The following MMP24 variants were observed in gnomAD, a reference collection of about 807,000 sequenced individuals.
The protein encoded by MMP24 is matrix metalloproteinase-24.
A neutral mutation model predicts 62.8 loss-of-function variants in MMP24; 25 were observed. The observed-to-expected ratio is 0.40, with a 90% confidence interval of 0.29 to 0.56. The LOEUF (loss-of-function observed/expected upper bound fraction) is 0.56, where lower values mean the gene tolerates loss of function less well. Among genes scored for constraint, MMP24 ranks in the 20% least tolerant of loss-of-function variants. The probability of loss-of-function intolerance (pLI) is 0.50; values close to 1 mark genes in which losing one functional copy is unlikely to be tolerated. For missense variants in MMP24, 634 were observed against 853.6 expected (o/e 0.74, Z 3.21); for synonymous variants, 319 against 350.5 (o/e 0.91, Z 1.00).
intron 2 of MMP24, among the ~76,000 whole-genome samples, chr20:35,247,970 T>C (rs6088776): frequency 0.12 from 17,796 of 152,080 alleles, 1,335 homozygotes; most frequent in Middle Eastern, 0.23. Flanking sequence ...TTGTCTAAGA[T>C]AGGAGAGAGT....
chr20:35,239,260 A>G (rs1439694940), intron 1 of MMP24, among the ~76,000 whole-genome samples: 1 of 151,766 alleles, frequency 6.6e-6, no homozygotes, highest in African/African-American at 2.4e-5. Context: ...GATGGTCTCG[A>G]TCTCTTGACC....
At chr20:35,238,146 G>A (rs1198802274) in intron 1 of MMP24, among the ~76,000 whole-genome samples, 5 of 152,192 alleles carry the variant, frequency 3.3e-5, no homozygotes, top group African/African-American at 4.8e-5. Flanking sequence ...CTGCAGAGCC[G>A]AGGCACAGAG....
intron 5 of MMP24, among the ~76,000 whole-genome samples, chr20:35,264,447 T>C (rs1052583574): frequency 6.6e-5 from 10 of 152,214 alleles, no homozygotes; most frequent in African/African-American, 2.4e-4. Flanking sequence ...ATCCCAGCAC[T>C]TTGGGAGGCT....
chr20:35,249,279 C>A (rs1241728120), intron 2 of MMP24, among the ~76,000 whole-genome samples: 1 of 152,158 alleles, frequency 6.6e-6, no homozygotes, highest in African/African-American at 2.4e-5. Context: ...GGTTCCCTTC[C>A]CAGGGACTGT....
intron 1 of MMP24, among the ~76,000 whole-genome samples, chr20:35,234,035 G>A: frequency 6.6e-6 from 1 of 152,146 alleles, no homozygotes; most frequent in Non-Finnish European, 1.5e-5. Flanking sequence ...CTGCATGACT[G>A]AGTCCTTCCC....
At chr20:35,256,176 A>T (rs1358656284) in intron 4 of MMP24, 1 of 152,248 alleles carries the variant, frequency 6.6e-6, no homozygotes, top group African/African-American at 2.4e-5. Context: ...AAATTTATGT[A>T]TTAAGCAATA....
In MMP24 at chr20:35,226,913, G is replaced by A; in HGVS notation, c.175G>A (p.Ala59Thr). Residue 59 changes from alanine (A) to threonine (T), a missense_variant, in exon 1 of 9, where the codon GCA (alanine) becomes ACA (threonine). Around this residue, in one of 3 missense-constraint regions of MMP24, gnomAD observed 212 missense variants for 259.6 expected, o/e 0.82. Transcript: ENST00000246186. ...AARAAAAAAG[A>T]GNRAAVAVAV... ...GCGGGCGGCGGCGGCGGCGGCGGGG[G>A]CAGGGAACCGGGCAGCGGTGGCGGT... 2.0e-6 allele frequency: 2 copies of A among 980,976 alleles called. No individual in the cohort carries two copies. Among genetic ancestry groups the A allele is most frequent in the Non-Finnish European group, 1.2e-6 (1 of 828,712 alleles). The allele number at this position is 980,976 out of a possible 1,614,324, so 60.8% of individuals were successfully genotyped here.
At chr20:35,263,982 C>A in intron 5 of MMP24, 30 bp downstream of exon 5, 1 of 1,567,902 alleles carries the variant, frequency 6.4e-7, no homozygotes, top group Non-Finnish European at 8.7e-7. Flanking sequence ...GGGACTGCTC[C>A]TTCCTCGGGG....
chr20:35,267,150 C>A, intron 5 of MMP24, 55 bp from the exon 6 acceptor site: 2 of 1,414,152 alleles, frequency 1.4e-6, no homozygotes, highest in Non-Finnish European at 1.9e-6. Context: ...CTGAGACTGG[C>A]AATGGGAGGC....
At chr20:35,268,768 T>C (rs1600804752) in intron 6 of MMP24, among the ~76,000 whole-genome samples, 3 of 148,394 alleles carry the variant, frequency 2.0e-5, no homozygotes, top group East Asian at 4.1e-4. Context: ...GGCTCACGCC[T>C]TGCAATCCCA....
Position 35,254,772 on chromosome 20 carries a change from C to T in MMP24, c.817+18C>T. The T allele has an allele frequency of 1.3e-6, 2 of 1,598,316 alleles. No homozygotes were observed. The highest frequency in any genetic ancestry group is 1.7e-6 in the Non-Finnish European group (2 of 1,171,276). ...CCATGACGGTAAGGCCATGAGGGGACAGGGGTCAGTCTTGGGCTGCTCAGT... is the reference window on the plus strand; with the variant it reads ...CCATGACGGTAAGGCCATGAGGGGATAGGGGTCAGTCTTGGGCTGCTCAGT... On this transcript the variant is annotated intron_variant, in intron 4 of 8. Coordinates refer to ENST00000246186, the MANE Select transcript of MMP24 (RefSeq NM_006690.4).
intron 3 of MMP24, among the ~76,000 whole-genome samples, chr20:35,253,895 G>A (rs1427466384): frequency 2.3e-5 from 3 of 130,120 alleles, no homozygotes; most frequent in African/African-American, 1.0e-4. Context: ...TTGAGACAGA[G>A]TCTCACTCTT....
At chr20:35,254,300 C>T in intron 3 of MMP24, 150 bp from the exon 4 acceptor site, 1 of 779,056 alleles carries the variant, frequency 1.3e-6, no homozygotes, top group South Asian at 1.7e-5. Context: ...AGCTCTGTTA[C>T]TCAGCCTCTT....
intron 5 of MMP24, among the ~76,000 whole-genome samples, chr20:35,265,705 C>T (rs1478084430): frequency 4.0e-5 from 6 of 151,440 alleles, no homozygotes; most frequent in African/African-American, 1.5e-4. Flanking sequence ...AAAGTGAGAC[C>T]CCTGTCTCTA....
rs747973347 is a variant in MMP24, at chr20:35,267,291, G to A, written c.1066G>A (p.Glu356Lys). ...CCACTCACCATCGGAGAGGAAACAC[G>A]AGCGCCAGCCCAGGCCCCCTCGGCC... The part of the protein sequence containing the change: ...RIHSPSERKH[E>K]RQPRPPRPPL... Residue 356 changes from glutamate to lysine, a missense_variant, in exon 6 of 9, where the codon GAG (glutamate) becomes AAG (lysine). By Grantham distance (56) the Glu-to-Lys change is moderately conservative. Coordinates refer to ENST00000246186, the MANE Select transcript of MMP24 (RefSeq NM_006690.4). 8 of 1,603,318 alleles carry A rather than the reference G, an allele frequency of 5.0e-6. No homozygotes were observed. Among genetic ancestry groups the A allele is most frequent in the African/African-American group, 1.3e-5 (1 of 74,606 alleles).
rs113818773 is a variant in MMP24 at position 35,271,338 on chromosome 20, C to G, written c.1334-231C>G. ...AAGTCATGTAAGTGGCTGAGATCAC[C>G]AGAGAGGAGAGAGGAGCAAGTCACA... On this transcript the variant is annotated intron_variant, in intron 7 of 8. Transcript: ENST00000246186. This position sits in a 1 kb window ranked among gnomAD's most constrained non-coding sequence, Gnocchi z 4.0. 0.025 allele frequency among the ~76,000 whole-genome samples: 3,735 copies of G among 152,246 alleles called. 66 individuals are homozygous for G. Among genetic ancestry groups the G allele is most frequent in the Non-Finnish European group, 0.038 (2,599 of 68,000 alleles).
At position 35,267,774 on chromosome 20, in the gene MMP24, G is replaced by A. The variant is rs553368340; in HGVS notation, c.1194+355G>A. 4 of 314,910 alleles carry A rather than the reference G, an allele frequency of 1.3e-5. No individual in the cohort carries two copies. The East Asian group carries it at 3.5e-4, about 27-fold the overall frequency. 19.5% of individuals were successfully genotyped at this position (314,910 alleles called of 1,614,324 possible). On this transcript the variant is annotated intron_variant, in intron 6 of 8. Coordinates refer to ENST00000246186, the MANE Select transcript of MMP24 (RefSeq NM_006690.4). The stretch of plus-strand genomic sequence containing the variant: ...CAAAGAGTGTGTGAAGATCCAGTGA[G>A]TACCCGGCTCTGAAGATGGTCAACT...
Position 35,226,917 on chromosome 20 carries a change from G to A in MMP24, c.179G>A (p.Gly60Glu). ...ARAAAAAAGA[G>E]NRAAVAVAVA... ...GCGGCGGCGGCGGCGGCGGGGGCAG[G>A]GAACCGGGCAGCGGTGGCGGTGGCG... is the stretch of plus-strand genomic sequence containing the variant. Residue 60 changes from glycine (G) to glutamate (E), a missense_variant, in exon 1 of 9, where the codon GGG (glycine) becomes GAG (glutamate). By Grantham distance (98) the Gly-to-Glu change is moderately conservative. Transcript: ENST00000246186. 3 of 980,630 alleles carry A rather than the reference G, an allele frequency of 3.1e-6. No homozygotes were observed. The highest frequency in any genetic ancestry group is 3.6e-6 in the Non-Finnish European group (3 of 828,372). The allele number at this position is 980,630 out of a possible 1,614,324, so 60.7% of individuals were successfully genotyped here. A position where few individuals can be genotyped will look rare whatever the true frequency, so the allele number is the denominator to read the frequency against.
chr20:35,270,199 A>C (rs2060661221), intron 7 of MMP24, among the ~76,000 whole-genome samples: 2 of 151,250 alleles, frequency 1.3e-5, no homozygotes, highest in Non-Finnish European at 2.9e-5. Flanking sequence ...CAGAGGGAAG[A>C]GGTCACTCAA....
Sources: gnomAD v4.1 joint callset for allele counts (sites outside exome capture counted in the v4.1 genomes callset) on GRCh38, gnomAD v4.1.1 for gene constraint, gnomAD v4.1.1 regional missense constraint, Gnocchi (gnomAD v3.1) non-coding constraint, MANE v1.5 for transcripts, NCBI Gene and HGNC (gene_info 2026-07-23, HGNC 2026-07-21) for gene names.